The following CFAP299 variants were observed in gnomAD, a reference collection of about 807,000 sequenced individuals.
CFAP299 encodes the protein cilia and flagella associated protein 299.
In CFAP299, 21 loss-of-function variants were observed where a neutral mutation model predicts 27.0. The observed-to-expected ratio is 0.78, with a 90% CI of 0.55 to 1.12. The LOEUF is 1.12. Among genes scored for constraint, CFAP299 ranks in the 50% most tolerant of loss-of-function variants. CFAP299 has a pLI of 0.00. For missense variants in CFAP299, 310 were observed against 276.6 expected (o/e 1.12, Z -0.86); for synonymous variants, 104 against 98.1 (o/e 1.06, Z -0.36).
chr4:80,392,438 T>C (rs1725535799), intron 2 of CFAP299, among the ~76,000 whole-genome samples: 1 of 152,148 alleles, frequency 6.6e-6, no homozygotes, highest in African/African-American at 2.4e-5. Flanking sequence ...GTAATCCCCA[T>C]GTGTTGGAGG....
chr4:80,940,476 C>A (rs552667064), intron 4 of CFAP299, among the ~76,000 whole-genome samples: 39 of 152,284 alleles, frequency 2.6e-4, no homozygotes, highest in African/African-American at 8.2e-4. Context: ...TGTTCTTACC[C>A]ACTTCAGTGT....
At chr4:80,680,576 A>T (rs1285309268) in intron 3 of CFAP299, among the ~76,000 whole-genome samples, 1 of 152,198 alleles carries the variant, frequency 6.6e-6, no homozygotes, top group African/African-American at 2.4e-5. Context: ...AGAGATGCTC[A>T]TCTGCCTATT....
chr4:80,643,650 TATG>T (rs780531222), intron 3 of CFAP299, among the ~76,000 whole-genome samples: 7 of 152,264 alleles, frequency 4.6e-5, no homozygotes, highest in East Asian at 1.9e-4. Context: ...ATTCATCCTA[TATG>T]ATAAGGGGAA....
chr4:80,832,888 T>C (rs1405434705), intron 3 of CFAP299, among the ~76,000 whole-genome samples: 1 of 152,124 alleles, frequency 6.6e-6, no homozygotes, highest in Non-Finnish European at 1.5e-5. Flanking sequence ...TTGCAATAAT[T>C]GTTACCATTC....
At chr4:80,764,494 T>G (rs1164097264) in intron 3 of CFAP299, among the ~76,000 whole-genome samples, 1 of 152,114 alleles carries the variant, frequency 6.6e-6, no homozygotes, top group Non-Finnish European at 1.5e-5. Flanking sequence ...ACATAGTTGG[T>G]GGGAGTGTAA....
chr4:80,930,742 C>T (rs2110218366), intron 4 of CFAP299, among the ~76,000 whole-genome samples: 1 of 152,204 alleles, frequency 6.6e-6, no homozygotes, highest in South Asian at 2.1e-4. Context: ...GACTTGCTGG[C>T]CACTCCTTTT....
intron 2 of CFAP299, among the ~76,000 whole-genome samples, chr4:80,566,915 A>G (rs998517542): frequency 1.3e-5 from 2 of 152,126 alleles, no homozygotes; most frequent in African/African-American, 4.8e-5. Context: ...TTGACCTACC[A>G]TATTTAAGTA....
chr4:80,930,094 A>C (rs780392662), intron 4 of CFAP299, among the ~76,000 whole-genome samples: 21 of 152,102 alleles, frequency 1.4e-4, no homozygotes, highest in Non-Finnish European at 2.4e-4. Flanking sequence ...CCCTTACAAC[A>C]ACCTCTAGAA....
intron 3 of CFAP299, among the ~76,000 whole-genome samples, chr4:80,773,415 T>G (rs907945429): frequency 2.8e-4 from 42 of 152,208 alleles, no homozygotes; most frequent in African/African-American, 9.6e-4. Context: ...GCCTATCCTA[T>G]TTGGAGGGTA....
At chr4:80,955,375 C>A (rs9307774) in intron 5 of CFAP299, among the ~76,000 whole-genome samples, 1 of 152,102 alleles carries the variant, frequency 6.6e-6, no homozygotes, top group Non-Finnish European at 1.5e-5. Flanking sequence ...AATGTATAGC[C>A]ATTTACAAAG....
intron 2 of CFAP299, among the ~76,000 whole-genome samples, chr4:80,442,647 G>A (rs190529683): frequency 1.2e-4 from 19 of 152,178 alleles, no homozygotes; most frequent in African/African-American, 3.1e-4. Context: ...AGAAACAAGA[G>A]CAAATTCAAA....
chr4:80,623,428 A>G (rs1485436720), intron 3 of CFAP299, among the ~76,000 whole-genome samples: 1 of 152,194 alleles, frequency 6.6e-6, no homozygotes, highest in East Asian at 1.9e-4. Context: ...CCAAACGAAG[A>G]GATGGGTGGA....
chr4:80,510,743 G>C (rs988764592), intron 2 of CFAP299, among the ~76,000 whole-genome samples: 4 of 152,126 alleles, frequency 2.6e-5, no homozygotes, highest in Admixed American at 2.6e-4. Context: ...AATATGATTT[G>C]ATAATAAACC....
At chr4:80,588,764 A>G (rs192481277) in intron 3 of CFAP299, among the ~76,000 whole-genome samples, 46 of 152,348 alleles carry the variant, frequency 3.0e-4, no homozygotes, top group African/African-American at 1.1e-3. Context: ...AATAATGATT[A>G]TAATTTCAGC....
chr4:80,384,451 A>G (rs1724866476), intron 2 of CFAP299, among the ~76,000 whole-genome samples: 1 of 152,200 alleles, frequency 6.6e-6, no homozygotes, highest in African/African-American at 2.4e-5. Flanking sequence ...TTTCACTTGT[A>G]ATTTTTAAAT....
chr4:80,485,992 G>C (rs1441484781), intron 2 of CFAP299, among the ~76,000 whole-genome samples: 1 of 151,838 alleles, frequency 6.6e-6, no homozygotes, highest in African/African-American at 2.4e-5. Context: ...TTGTGGTTTG[G>C]CTGCGTTGCT....
In CFAP299 at chr4:80,485,345, C is replaced by T. The variant is rs540852068; in HGVS notation, c.243-97748C>T. Among the ~76,000 whole-genome samples the T allele has an allele frequency of 1.0e-3, 156 of 151,446 alleles. 1 individual carries two copies. Among genetic ancestry groups the T allele is most frequent in the African/African-American group, 3.6e-3 (147 of 41,398 alleles). On this transcript the variant is annotated intron_variant, in intron 2 of 5. Transcript: ENST00000358105. The stretch of plus-strand genomic sequence containing the variant: ...AAAAATTCAGAATGTGAGGTATTCT[C>T]AGGACAACCAATCCAATTTCTCTAA...
intron 3 of CFAP299, among the ~76,000 whole-genome samples, chr4:80,655,759 A>T (rs1393431576): frequency 6.6e-6 from 1 of 152,152 alleles, no homozygotes; most frequent in African/African-American, 2.4e-5. Context: ...TAATTATGTG[A>T]ATGTTAGCTA....
intron 3 of CFAP299, among the ~76,000 whole-genome samples, chr4:80,588,761 A>T (rs902430949): frequency 2.0e-5 from 3 of 152,200 alleles, no homozygotes; most frequent in Non-Finnish European, 2.9e-5. Context: ...AATAATAATG[A>T]TTATAATTTC....
Sources: gnomAD v4.1 joint callset for allele counts (sites outside exome capture counted in the v4.1 genomes callset) on GRCh38, gnomAD v4.1.1 for gene constraint, MANE v1.5 for transcripts, NCBI Gene and HGNC (gene_info 2026-07-23, HGNC 2026-07-21) for gene names.